LRRFIP1: variants seen among roughly 807,000 people sequenced by gnomAD.
LRRFIP1 encodes the protein LRR binding FLII interacting protein 1.
A neutral mutation model predicts 104.4 loss-of-function variants in LRRFIP1; 62 were observed. That is an observed-to-expected ratio of 0.59 (90% CI 0.48 to 0.73). The LOEUF (loss-of-function observed/expected upper bound fraction) is 0.73, where lower values mean the gene tolerates loss of function less well. LRRFIP1 is among the 30% of genes least tolerant of loss of function. LRRFIP1 has a pLI of 0.00. For synonymous variants in LRRFIP1, 300 were observed against 299.0 expected, an observed-to-expected ratio of 1.00 and a Z score of -0.03; for missense variants, 796 against 824.5, an observed-to-expected ratio of 0.97 and a Z score of 0.42.
chr2:237,709,228 G>A (rs1050364601), intron 2 of LRRFIP1, among the ~76,000 whole-genome samples: 2 of 152,164 alleles, frequency 1.3e-5, no homozygotes, highest in African/African-American at 4.8e-5. Context: ...TCTTGAGCTG[G>A]AGCTAGGAGT....
chr2:237,692,410 G>C (rs1224979057), intron 1 of LRRFIP1: 1 of 1,474,140 alleles, frequency 6.8e-7, no homozygotes, highest in Non-Finnish European at 9.0e-7. Context: ...TCCCGGCGCG[G>C]TCCCCGAGCA....
chr2:237,724,020 T>A (rs929061021), intron 7 of LRRFIP1, among the ~76,000 whole-genome samples: 1 of 151,862 alleles, frequency 6.6e-6, no homozygotes, highest in Non-Finnish European at 1.5e-5. Flanking sequence ...TTCCAGTCTA[T>A]ATCCATTCAA....
At chr2:237,723,724 C>A in intron 7 of LRRFIP1, 138 bp downstream of exon 7, 1 of 1,057,430 alleles carries the variant, frequency 9.5e-7, no homozygotes, top group Non-Finnish European at 1.5e-6. Flanking sequence ...GGAGGGCAGG[C>A]TTACCCTGCA....
intron 1 of LRRFIP1, among the ~76,000 whole-genome samples, chr2:237,669,845 G>C (rs1431057459): frequency 6.6e-6 from 1 of 152,190 alleles, no homozygotes; most frequent in Non-Finnish European, 1.5e-5. Context: ...GCAGAAGCCT[G>C]ACCGGTCTCC....
chr2:237,666,000 C>T (rs1308316465), intron 1 of LRRFIP1, among the ~76,000 whole-genome samples: 2 of 152,246 alleles, frequency 1.3e-5, no homozygotes, highest in African/African-American at 4.8e-5. Context: ...CCAGGGGCGT[C>T]CCCCTCGGTC....
rs892494794 is a variant in LRRFIP1, at chr2:237,771,803, G to T, written c.1510-278G>T. The stretch of plus-strand genomic sequence containing the variant: ...ATAAAGAGAAAGTGAATAGCATGGT[G>T]ACTTACTGAGTCTTAAACATTGCAG... On this transcript the variant is annotated intron_variant, in intron 20 of 23. Coordinates refer to ENST00000308482, the MANE Select transcript of LRRFIP1 (RefSeq NM_001137550.2). 80 of 310,216 alleles carry T rather than the reference G, an allele frequency of 2.6e-4. 2 individuals carry two copies. The highest frequency in any genetic ancestry group is 6.1e-5 in the Non-Finnish European group (10 of 165,244). 19.2% of individuals were successfully genotyped at this position (310,216 alleles called of 1,614,324 possible). A position where few individuals can be genotyped will look rare whatever the true frequency, so the allele number is the denominator to read the frequency against.
intron 4 of LRRFIP1, among the ~76,000 whole-genome samples, chr2:237,719,212 A>T (rs1378674695): frequency 6.6e-6 from 1 of 152,236 alleles, no homozygotes; most frequent in African/African-American, 2.4e-5. Context: ...GGAAAAGTAG[A>T]TTGATTTAAA....
intron 1 of LRRFIP1, among the ~76,000 whole-genome samples, chr2:237,628,415 A>G (rs2081896823): frequency 1.4e-5 from 2 of 146,800 alleles, no homozygotes; most frequent in Admixed American, 6.9e-5. Flanking sequence ...GCGCACTAGA[A>G]TGGGTATTTG....
rs961610859 is a variant in LRRFIP1 at position 237,711,229 on chromosome 2, G to A, written c.183+2599G>A. Among the ~76,000 whole-genome samples the A allele has an allele frequency of 2.6e-5, 4 of 152,216 alleles. No homozygotes were observed. The highest frequency in any genetic ancestry group is 6.5e-5 in the Admixed American group (1 of 15,286). On this transcript the variant is annotated intron_variant, in intron 2 of 23. Transcript: ENST00000308482. The surrounding 1 kb of genome is among the most constrained non-coding windows in gnomAD (Gnocchi z 4.4). ...TTGCGGAGAACATCTGATGAAATCG[G>A]GAAGTCTCACGTAAAACGCCATGGT...
intron 11 of LRRFIP1, among the ~76,000 whole-genome samples, chr2:237,747,821 T>C (rs1227121157): frequency 1.3e-5 from 2 of 152,138 alleles, no homozygotes; most frequent in African/African-American, 4.8e-5. Flanking sequence ...AGTGGGCTTA[T>C]GATAAGAACC....
chr2:237,718,266 G>A (rs372933425), intron 4 of LRRFIP1, among the ~76,000 whole-genome samples: 37 of 152,352 alleles, frequency 2.4e-4, no homozygotes, highest in African/African-American at 8.4e-4. Context: ...TCATGATTAC[G>A]ACCAGCTGCC....
intron 6 of LRRFIP1, among the ~76,000 whole-genome samples, 164 bp from the exon 7 acceptor site, chr2:237,723,384 A>C (rs2094603574): frequency 6.6e-6 from 1 of 152,308 alleles, no homozygotes; most frequent in African/African-American, 2.4e-5. Flanking sequence ...ATTCTGACAT[A>C]ATTCTTTTTG....
Position 237,727,886 on chromosome 2 carries a change from A to G in LRRFIP1, c.395A>G (p.Tyr132Cys). Residue 132 changes from tyrosine to cysteine, a missense_variant, in exon 8 of 24, where the codon TAT (tyrosine) becomes TGT (cysteine). Physicochemically the swap from Tyr to Cys is radical, Grantham distance 194. Transcript: ENST00000308482. ...TCTTCATTGAAACAGACAAATGGTT[A>G]TGATGGAGAATTGTATGGATCACAG... is the stretch of plus-strand genomic sequence containing the variant. Reference protein sequence around the residue: ...YGGPYAWTNGYDGELYGSQSL... With the variant: ...YGGPYAWTNGCDGELYGSQSL... 6.2e-7 allele frequency: 1 copy of G among 1,611,534 alleles called. No individual in the cohort carries two copies. Among genetic ancestry groups the G allele is most frequent in the Non-Finnish European group, 8.5e-7 (1 of 1,178,584 alleles).
chr2:237,701,623 G>A (rs1332598912), intron 1 of LRRFIP1, among the ~76,000 whole-genome samples: 1 of 152,328 alleles, frequency 6.6e-6, no homozygotes, highest in South Asian at 2.1e-4. Context: ...TCTTCTTATA[G>A]CTGGGAATCT....
chr2:237,764,742 G>C lies in LRRFIP1; in HGVS notation c.1459+4537G>C, dbSNP rs2060148610. The C allele has an allele frequency of 3.0e-6, 3 of 986,472 alleles. No individual in the cohort carries two copies. In the South Asian group the frequency reaches 1.4e-4, roughly 46 times the overall value. 61.1% of individuals were successfully genotyped at this position (986,472 alleles called of 1,614,324 possible). On this transcript the variant is annotated intron_variant, in intron 19 of 23. Coordinates refer to ENST00000308482, the MANE Select transcript of LRRFIP1 (RefSeq NM_001137550.2). ...ATAACAAGTAAATGTCTGAAAGCAT[G>C]AGGGGCTTTATTTGCCTTTACCTCA...
chr2:237,779,376 G>A, intron 23 of LRRFIP1, 46 bp from the exon 24 acceptor site: 1 of 1,599,734 alleles, frequency 6.3e-7, no homozygotes, highest in Non-Finnish European at 8.5e-7. Flanking sequence ...GTTATGTTTG[G>A]AGGAAACAAG....
At chr2:237,738,863 TC>T (rs1364785677) in intron 10 of LRRFIP1, among the ~76,000 whole-genome samples, 1 of 152,270 alleles carries the variant, frequency 6.6e-6, no homozygotes, top group Non-Finnish European at 1.5e-5. Context: ...GTGCAAGTCT[TC>T]AGTTTCTGTG....
chr2:237,690,858 C>G (rs2092709937), intron 1 of LRRFIP1, among the ~76,000 whole-genome samples: 2 of 152,074 alleles, frequency 1.3e-5, no homozygotes, highest in Admixed American at 6.6e-5. Flanking sequence ...CTTTTGTGAG[C>G]CTGAGATGCT....
intron 1 of LRRFIP1, among the ~76,000 whole-genome samples, chr2:237,679,388 T>G (rs2091540531): frequency 6.6e-6 from 1 of 152,222 alleles, no homozygotes; most frequent in African/African-American, 2.4e-5. Context: ...GAAGAAGGAA[T>G]ATATCAGCAA....
Sources: allele counts gnomAD v4.1 joint callset (sites outside exome capture counted in the v4.1 genomes callset), GRCh38; gene constraint gnomAD v4.1.1; non-coding constraint Gnocchi (gnomAD v3.1); transcripts MANE v1.5; gene names NCBI Gene and HGNC (gene_info 2026-07-23, HGNC 2026-07-21).